The following PWWP2B variants were observed in gnomAD, a reference collection of about 807,000 sequenced individuals.
PWWP2B encodes the protein PWWP domain-containing protein 2B.
A neutral mutation model predicts 15.5 loss-of-function variants in PWWP2B; 9 were observed. The observed-to-expected ratio is 0.58, with a 90% CI of 0.35 to 1.02. PWWP2B has a LOEUF of 1.02. Among genes scored for constraint, PWWP2B ranks in the 50% least tolerant of loss-of-function variants. The pLI is 0.02. For synonymous variants in PWWP2B, 474 were observed against 403.6 expected (o/e 1.17, Z -2.09); for missense variants, 864 against 865.3 (o/e 1.00, Z 0.02).
At chr10:132,399,034 C>G (rs1174934060) in intron 1 of PWWP2B, among the ~76,000 whole-genome samples, 1 of 143,478 alleles carries the variant, frequency 7.0e-6, no homozygotes, top group African/African-American at 2.6e-5. Context: ...TGAGGCTTGT[C>G]CTGGAAGGAC....
rs2069811309 is a variant in PWWP2B at position 132,413,759 on chromosome 10, A to G, written c.*17-3302A>G. ...CTTGTGATGTGCAGAGCTGTGGGAC[A>G]CACCCAACTCCCTGGGGGGACTCTG... On this transcript the variant is annotated intron_variant, in intron 2 of 2. Coordinates refer to ENST00000305233, the MANE Select transcript of PWWP2B (RefSeq NM_138499.4). Among the ~76,000 whole-genome samples the G allele has an allele frequency of 2.0e-5, 3 of 152,274 alleles. No individual in the cohort carries two copies. The South Asian group carries it at 6.2e-4, about 32-fold the overall frequency.
chr10:132,398,338 C>T (rs749944576), intron 1 of PWWP2B, among the ~76,000 whole-genome samples: 1 of 152,222 alleles, frequency 6.6e-6, no homozygotes, highest in African/African-American at 2.4e-5. Context: ...ATATGGCTCC[C>T]GTGTGGTTCC....
At chr10:132,399,401 C>T (rs2069584735) in intron 1 of PWWP2B, among the ~76,000 whole-genome samples, 1 of 152,244 alleles carries the variant, frequency 6.6e-6, no homozygotes, top group African/African-American at 2.4e-5. Context: ...GGAATGGCGG[C>T]CCCGCTCACA....
chr10:132,414,419 T>G (rs539532661), intron 2 of PWWP2B, among the ~76,000 whole-genome samples: 1 of 152,216 alleles, frequency 6.6e-6, no homozygotes, highest in Non-Finnish European at 1.5e-5. Context: ...TTAGAAGGGA[T>G]GGACGAAGCA....
chr10:132,404,983 G>A lies in PWWP2B; in HGVS notation c.483G>A (p.Pro161=), dbSNP rs374156891. The change falls in exon 2 of 3, where the codon CCG becomes CCA. Residue 161 remains proline, a synonymous_variant. Transcript: ENST00000305233. ...TRRRLSRNRD[P]GRLILSTIRL... ...GGCGTCTGTCCCGCAACCGCGACCC[G>A]GGGCGCCTCATCCTCAGCACCATCC... is the stretch of plus-strand genomic sequence containing the variant. The A allele has an allele frequency of 2.6e-3, 4,030 of 1,572,252 alleles. 7 individuals are homozygous for A. Among genetic ancestry groups the A allele is most frequent in the Non-Finnish European group, 3.0e-3 (3,483 of 1,166,744 alleles).
chr10:132,402,147 G>C (rs1282308030), intron 1 of PWWP2B, among the ~76,000 whole-genome samples: 1 of 152,242 alleles, frequency 6.6e-6, no homozygotes, highest in Non-Finnish European at 1.5e-5. Context: ...CATTTGATCT[G>C]CCTGGGAAGG....
chr10:132,398,926 C>G (rs926722468), intron 1 of PWWP2B, among the ~76,000 whole-genome samples: 92 of 110,740 alleles, frequency 8.3e-4, no homozygotes, highest in African/African-American at 3.1e-3. Flanking sequence ...CCCCGACCCC[C>G]AGTCCTGAGG....
Position 132,397,246 on chromosome 10 carries a change from G to A in PWWP2B, c.20G>A (p.Cys7Tyr). MEPRAG[C>Y]RLPVRVEQVV... ...GGGAGCATGGAGCCGCGCGCCGGCT[G>A]CCGGCTGCCGGTGCGGGTGGAGCAG... Residue 7 changes from cysteine (C) to tyrosine (Y), a missense_variant, in exon 1 of 3, where the codon TGC becomes TAC. Physicochemically the swap from Cys to Tyr is radical, Grantham distance 194. Coordinates refer to ENST00000305233, the MANE Select transcript of PWWP2B (RefSeq NM_138499.4). 1 of 1,269,534 alleles carries A rather than the reference G, an allele frequency of 7.9e-7. No individual in the cohort carries two copies. Among genetic ancestry groups the A allele is most frequent in the East Asian group, 3.4e-5 (1 of 29,594 alleles). 78.6% of individuals were successfully genotyped at this position (1,269,534 alleles called of 1,614,324 possible). A position where few individuals can be genotyped will look rare whatever the true frequency, so the allele number is the denominator to read the frequency against.
chr10:132,412,212 A>G (rs7067749), intron 2 of PWWP2B, among the ~76,000 whole-genome samples: 28,739 of 152,220 alleles, frequency 0.19, 4,284 homozygotes, highest in African/African-American at 0.41. Flanking sequence ...GTGGGGGGAC[A>G]CTGCTGGAGG....
chr10:132,404,027 A>ATTCTGCTGGGCTCCTGCAGGGAGCT (rs1316177941), intron 1 of PWWP2B, among the ~76,000 whole-genome samples: 3 of 56,364 alleles, frequency 5.3e-5, no homozygotes, highest in African/African-American at 2.9e-4. Flanking sequence ...GCAGGACGGC[A>ATTCTGCTGGGCTCCTGCAGGGAGCT]TTCTCCAGGG....
At chr10:132,414,880 C>T (rs143675132) in intron 2 of PWWP2B, among the ~76,000 whole-genome samples, 139 of 152,282 alleles carry the variant, frequency 9.1e-4, no homozygotes, top group Non-Finnish European at 1.8e-3. Context: ...TTGGTACCCC[C>T]GGCAGGTCTC....
chr10:132,409,063 G>A (rs1298797692), intron 2 of PWWP2B, among the ~76,000 whole-genome samples: 2 of 152,268 alleles, frequency 1.3e-5, no homozygotes, highest in African/African-American at 2.4e-5. Flanking sequence ...GTCCCAGCCG[G>A]TCACCTGCTG....
intron 2 of PWWP2B, among the ~76,000 whole-genome samples, chr10:132,415,832 C>T (rs137923607): frequency 3.0e-4 from 45 of 152,342 alleles, no homozygotes; most frequent in African/African-American, 1.1e-3. Context: ...ATGTTGCCGG[C>T]CCTTTCTTCT....
At chr10:132,397,381 C>T (rs1797130720) in intron 1 of PWWP2B, 30 bp downstream of exon 1, 1 of 1,223,244 alleles carries the variant, frequency 8.2e-7, no homozygotes, top group South Asian at 3.0e-5. Context: ...GGGACACCCC[C>T]GGGGTCCCCA....
At chr10:132,415,828 C>T (rs1408031772) in intron 2 of PWWP2B, among the ~76,000 whole-genome samples, 2 of 152,246 alleles carry the variant, frequency 1.3e-5, no homozygotes, top group African/African-American at 4.8e-5. Flanking sequence ...ATAGATGTTG[C>T]CGGCCCTTTC....
chr10:132,413,705 G>A (rs948335454), intron 2 of PWWP2B, among the ~76,000 whole-genome samples: 4 of 152,222 alleles, frequency 2.6e-5, no homozygotes, highest in Admixed American at 1.3e-4. Context: ...CAGGCCCCAC[G>A]CCGGCTTCTC....
intron 1 of PWWP2B, among the ~76,000 whole-genome samples, chr10:132,398,125 C>G (rs1382294437): frequency 6.6e-6 from 1 of 152,230 alleles, no homozygotes; most frequent in African/African-American, 2.4e-5. Flanking sequence ...TCGCTGCGCT[C>G]CTGCAGGGCT....
intron 2 of PWWP2B, among the ~76,000 whole-genome samples, chr10:132,409,487 C>T (rs1355419573): frequency 2.6e-5 from 4 of 152,164 alleles, no homozygotes; most frequent in Admixed American, 2.6e-4. Context: ...CAATGCCACC[C>T]ACACCCCCAC....
At position 132,405,519 on chromosome 10, in the gene PWWP2B, T is replaced by TG; in HGVS notation, c.1024dup (p.Asp342GlyfsTer46). On this transcript the variant is annotated frameshift_variant, in exon 2 of 3. Transcript: ENST00000305233. LOFTEE classifies it low-confidence loss of function (END_TRUNC). The stretch of plus-strand genomic sequence containing the variant: ...AAGATCCGCCTGAAGCCCCACCGTC[T>TG]GGGGGACAGCGAGCACGAGCCCGTG... 1 of 1,603,770 alleles carries TG rather than the reference T, an allele frequency of 6.2e-7. No individual in the cohort carries two copies. The highest frequency in any genetic ancestry group is 8.5e-7 in the Non-Finnish European group (1 of 1,179,254).
Sources: allele counts gnomAD v4.1 joint callset (sites outside exome capture counted in the v4.1 genomes callset), GRCh38; gene constraint gnomAD v4.1.1; transcripts MANE v1.5; gene names NCBI Gene and HGNC (gene_info 2026-07-23, HGNC 2026-07-21).